Variants in ICOS observed in about 807,000 individuals in gnomAD.
The protein encoded by ICOS is inducible T cell costimulator.
ICOS carries 15 observed loss-of-function variants against 24.6 expected under a neutral mutation model. The ratio of observed to expected loss-of-function variants is 0.61; its 90% CI spans 0.41 to 0.94. The LOEUF (loss-of-function observed/expected upper bound fraction) is 0.94, where lower values mean the gene tolerates loss of function less well. Among genes scored for constraint, ICOS ranks in the 40% least tolerant of loss-of-function variants. The pLI is 0.00. For synonymous variants in ICOS, 89 were observed against 77.5 expected (o/e 1.15, Z -0.78); for missense variants, 200 against 233.0 (o/e 0.86, Z 0.92).
intron 1 of ICOS, among the ~76,000 whole-genome samples, chr2:203,939,356 G>A (rs1689722645): frequency 1.3e-5 from 2 of 152,054 alleles, no homozygotes; most frequent in Admixed American, 1.3e-4. Context: ...TCTCAATGTA[G>A]AATTTAACAA....
At chr2:203,953,779 C>T (rs1186380011) in intron 1 of ICOS, among the ~76,000 whole-genome samples, 6 of 152,136 alleles carry the variant, frequency 3.9e-5, no homozygotes, top group African/African-American at 1.4e-4. Flanking sequence ...TTAGTTTTAA[C>T]AAATTATGAT....
chr2:203,959,560 T>G lies in ICOS; in HGVS notation c.587-26T>G, dbSNP rs10172036. On this transcript the variant is annotated intron_variant, in intron 4 of 4. Transcript: ENST00000316386. The stretch of plus-strand genomic sequence containing the variant: ...AACTGGCACATGGAGAGCATTTAGA[T>G]AATTTATGCTGAATTTTTGTTACAG... 968,500 of 1,600,854 alleles carry G rather than the reference T, an allele frequency of 0.6. 295,952 individuals are homozygous for G. Among genetic ancestry groups the G allele is most frequent in the Non-Finnish European group, 0.63 (733,037 of 1,168,640 alleles).
chr2:203,957,664 G>A (rs1690100451), intron 3 of ICOS, 135 bp from the exon 4 acceptor site: 2 of 716,712 alleles, frequency 2.8e-6, no homozygotes, highest in South Asian at 3.0e-5. Context: ...TTTCTACTTA[G>A]CCTAAAGCCA....
In ICOS at chr2:203,955,764, T is replaced by A; in HGVS notation, c.187T>A (p.Cys63Ser). 1.2e-6 allele frequency: 2 copies of A among 1,613,866 alleles called. No individual in the cohort carries two copies. Among genetic ancestry groups the A allele is most frequent in the Non-Finnish European group, 1.7e-6 (2 of 1,179,830 alleles). Reference protein sequence around the residue: ...MQLLKGGQILCDLTKTKGSGN... With the variant: ...MQLLKGGQILSDLTKTKGSGN... Reference sequence around the variant, plus strand: ...GTTGCTGAAAGGGGGGCAAATACTCTGCGATCTCACTAAGACAAAAGGAAG... The same window carrying A: ...GTTGCTGAAAGGGGGGCAAATACTCAGCGATCTCACTAAGACAAAAGGAAG... The change falls in exon 2 of 5, where the codon TGC becomes AGC. Residue 63 changes from cysteine (C) to serine (S), a missense_variant. Coordinates refer to ENST00000316386, the MANE Select transcript of ICOS (RefSeq NM_012092.4).
rs754245655 is a variant in ICOS, at chr2:203,956,734, G to T, written c.470G>T (p.Gly157Val). The stretch of plus-strand genomic sequence containing the variant: ...GCCTTTGTTGTAGTCTGCATTTTGG[G>T]ATGCATACTTATTTGTTGGCTTACA... ...CAAFVVVCIL[G>V]CILICWLTKK... Residue 157 changes from glycine (G) to valine (V), a missense_variant, in exon 3 of 5, where the codon GGA becomes GTA. Physicochemically the swap from Gly to Val is moderately radical, Grantham distance 109. Transcript: ENST00000316386. The T allele has an allele frequency of 6.2e-7, 1 of 1,612,492 alleles. No individual in the cohort carries two copies. Among genetic ancestry groups the T allele is most frequent in the Non-Finnish European group, 8.5e-7 (1 of 1,178,698 alleles).
intron 1 of ICOS, among the ~76,000 whole-genome samples, chr2:203,940,151 G>A (rs1260128981): frequency 6.6e-6 from 1 of 152,066 alleles, no homozygotes; most frequent in African/African-American, 2.4e-5. Flanking sequence ...TAATGAAAAT[G>A]CCTTTGTCTG....
chr2:203,957,770 C>G, intron 3 of ICOS, 29 bp from the exon 4 acceptor site: 3 of 1,506,240 alleles, frequency 2.0e-6, no homozygotes, highest in Non-Finnish European at 2.8e-6. Flanking sequence ...GAAAAGATGA[C>G]CAAGCATGTT....
At chr2:203,954,037 C>G (rs1690030368) in intron 1 of ICOS, among the ~76,000 whole-genome samples, 1 of 151,752 alleles carries the variant, frequency 6.6e-6, no homozygotes, top group Admixed American at 6.6e-5. Flanking sequence ...AAACAAAGAC[C>G]AAGATTTCAA....
In ICOS at chr2:203,959,786, C is replaced by T. The variant is rs1333293977; in HGVS notation, c.*187C>T. On this transcript the variant is annotated 3_prime_UTR_variant, in exon 5 of 5. Transcript: ENST00000316386. ...GGGATTTTAACAGACTGCCTTGGTA[C>T]TGCCGAGTCCTCTCAAAACAAACAC... The T allele has an allele frequency of 9.0e-6, 6 of 666,450 alleles. No homozygotes were observed. The highest frequency in any genetic ancestry group is 1.6e-5 in the Non-Finnish European group (6 of 370,676). 41.3% of individuals were successfully genotyped at this position (666,450 alleles called of 1,614,324 possible).
chr2:203,958,443 G>A (rs1168385117), intron 4 of ICOS, among the ~76,000 whole-genome samples: 1 of 152,232 alleles, frequency 6.6e-6, no homozygotes, highest in African/African-American at 2.4e-5. Context: ...CAGTAACATG[G>A]AAATTTGACC....
At position 203,959,771 on chromosome 2, in the gene ICOS, C is replaced by T. The variant is rs911950415; in HGVS notation, c.*172C>T. The T allele has an allele frequency of 7.0e-6, 5 of 716,940 alleles. No individual in the cohort carries two copies. The highest frequency in any genetic ancestry group is 2.3e-4 in the Middle Eastern group (1 of 4,310). 44.4% of individuals were successfully genotyped at this position (716,940 alleles called of 1,614,324 possible). A position where few individuals can be genotyped will look rare whatever the true frequency, so the allele number is the denominator to read the frequency against. ...CTGTATCAGTCAATGGGGATTTTAA[C>T]AGACTGCCTTGGTACTGCCGAGTCC... On this transcript the variant is annotated 3_prime_UTR_variant, in exon 5 of 5. Coordinates refer to ENST00000316386, the MANE Select transcript of ICOS (RefSeq NM_012092.4).
rs530724063 is a variant in ICOS at position 203,948,447 on chromosome 2, T to C, written c.59-7189T>C. On this transcript the variant is annotated intron_variant, in intron 1 of 4. Transcript: ENST00000316386. ...GCTCTTATATTATAAATCCTGTGCT[T>C]CATCTCCTCAGATTTAAAATGTCAC... Among the ~76,000 whole-genome samples the C allele has an allele frequency of 3.3e-5, 5 of 152,358 alleles. No homozygotes were observed. In the East Asian group the frequency reaches 9.6e-4, roughly 29 times the overall value.
At chr2:203,957,432 C>G (rs1354064288) in intron 3 of ICOS, among the ~76,000 whole-genome samples, 2 of 152,192 alleles carry the variant, frequency 1.3e-5, no homozygotes, top group Non-Finnish European at 2.9e-5. Context: ...TGACACCACT[C>G]TGCATATTAC....
chr2:203,947,129 C>A (rs949906618), intron 1 of ICOS, among the ~76,000 whole-genome samples: 1 of 152,098 alleles, frequency 6.6e-6, no homozygotes, highest in Non-Finnish European at 1.5e-5. Flanking sequence ...CACTATAGTG[C>A]AATTCTCAGG....
intron 1 of ICOS, among the ~76,000 whole-genome samples, chr2:203,953,566 G>T (rs2105752750): frequency 6.6e-6 from 1 of 152,278 alleles, no homozygotes; most frequent in South Asian, 2.1e-4. Flanking sequence ...AAGTAATTGT[G>T]TATCTTAAAT....
chr2:203,936,959 A>AAGAC, intron 1 of ICOS, 87 bp downstream of exon 1: 1 of 997,998 alleles, frequency 1.0e-6, no homozygotes, highest in South Asian at 1.3e-5. Context: ...ACGCACCCAA[A>AAGAC]AGACAGTGGT....
chr2:203,938,060 T>C (rs1044154450), intron 1 of ICOS, among the ~76,000 whole-genome samples: 2 of 152,230 alleles, frequency 1.3e-5, no homozygotes, highest in African/African-American at 4.8e-5. Flanking sequence ...TGTACAAGGA[T>C]GAGCAAAACC....
At position 203,936,873 on chromosome 2, in the gene ICOS, G is replaced by A. The variant is rs757598952; in HGVS notation, c.58+1G>A. ...TGCTTGCGCATTAAAGTTTTAACAG[G>A]TAAGTGGTGTATTGAATATTTCTTA... is the stretch of plus-strand genomic sequence containing the variant. On this transcript the variant is annotated splice_donor_variant, in intron 1 of 4. Coordinates refer to ENST00000316386, the MANE Select transcript of ICOS (RefSeq NM_012092.4). LOFTEE classifies it high-confidence loss of function. The A allele has an allele frequency of 1.7e-5, 27 of 1,577,890 alleles. No homozygotes were observed. Among genetic ancestry groups the A allele is most frequent in the Non-Finnish European group, 2.4e-5 (27 of 1,148,162 alleles).
At chr2:203,949,549 T>G (rs1055486275) in intron 1 of ICOS, among the ~76,000 whole-genome samples, 21 of 152,258 alleles carry the variant, frequency 1.4e-4, no homozygotes, top group African/African-American at 3.9e-4. Context: ...GCTGAGGGTA[T>G]TTATAGGATG....
Sources: gnomAD v4.1 joint callset for allele counts (sites outside exome capture counted in the v4.1 genomes callset) on GRCh38, gnomAD v4.1.1 for gene constraint, MANE v1.5 for transcripts, NCBI Gene and HGNC (gene_info 2026-07-23, HGNC 2026-07-21) for gene names.